The following INPP4B variants were observed in gnomAD, a reference collection of about 807,000 sequenced individuals.
INPP4B encodes the protein inositol polyphosphate-4-phosphatase type II B.
Under a neutral mutation model 122.5 loss-of-function variants are expected in INPP4B, and 55 were observed. The observed-to-expected ratio is 0.45, with a 90% CI of 0.36 to 0.56. The LOEUF (loss-of-function observed/expected upper bound fraction) is 0.56. INPP4B is among the 20% of genes least tolerant of loss of function. The probability of loss-of-function intolerance (pLI) is 0.00; values close to 1 mark genes in which losing one functional copy is unlikely to be tolerated. For synonymous variants in INPP4B, 403 were observed against 388.7 expected (o/e 1.04, Z -0.43); for missense variants, 1,000 against 1,097.7 (o/e 0.91, Z 1.26).
In INPP4B at chr4:142,429,207, C is replaced by T. The variant is rs1268002114; in HGVS notation, c.102G>A (p.Lys34=). 6.4e-7 allele frequency: 1 copy of T among 1,557,498 alleles called. No homozygotes were observed. The highest frequency in any genetic ancestry group is 1.1e-5 in the South Asian group (1 of 87,540). ...PGDCQFTSIQ[K]TPNEPQLEFI... Reference sequence around the variant, plus strand: ...ATTCCAACTGCGGTTCATTTGGAGTCTTCTGGATACCTATAAATAATAGGA... The same window carrying T: ...ATTCCAACTGCGGTTCATTTGGAGTTTTCTGGATACCTATAAATAATAGGA... The change falls in exon 5 of 26, where the codon AAG becomes AAA. Residue 34 remains lysine, a synonymous_variant. Coordinates refer to ENST00000262992, the MANE Select transcript of INPP4B (RefSeq NM_001101669.3).
intron 2 of INPP4B, among the ~76,000 whole-genome samples, chr4:142,681,975 T>A (rs533725334): frequency 1.3e-5 from 2 of 151,920 alleles, no homozygotes; most frequent in Admixed American, 1.3e-4. Flanking sequence ...TGCAATTCTT[T>A]TCCTCTTCAA....
chr4:142,648,434 A>G (rs1752260949), intron 2 of INPP4B, among the ~76,000 whole-genome samples: 1 of 152,192 alleles, frequency 6.6e-6, no homozygotes, highest in South Asian at 2.1e-4. Flanking sequence ...GCTGTGACAG[A>G]CTGTACCTGG....
At chr4:142,281,463 G>A (rs1379843875) in intron 9 of INPP4B, among the ~76,000 whole-genome samples, 1 of 151,792 alleles carries the variant, frequency 6.6e-6, no homozygotes, top group African/African-American at 2.4e-5. Context: ...TGGAGAACTG[G>A]AGTATTAAAT....
chr4:142,171,033 T>C (rs1825379542), intron 16 of INPP4B, among the ~76,000 whole-genome samples: 1 of 151,872 alleles, frequency 6.6e-6, no homozygotes, highest in East Asian at 1.9e-4. Flanking sequence ...TCTCAGCAAG[T>C]TGAATTTTTC....
At chr4:142,205,594 A>G (rs184436974) in intron 14 of INPP4B, among the ~76,000 whole-genome samples, 52 of 152,238 alleles carry the variant, frequency 3.4e-4, no homozygotes, top group Middle Eastern at 6.8e-3. Context: ...AGCTACCATT[A>G]TTTTATCATT....
chr4:142,041,161 C>G (rs1420556518), intron 25 of INPP4B, among the ~76,000 whole-genome samples: 1 of 151,894 alleles, frequency 6.6e-6, no homozygotes, highest in Admixed American at 6.6e-5. Flanking sequence ...ATATGAGTAA[C>G]ACGAAAAAAA....
intron 2 of INPP4B, among the ~76,000 whole-genome samples, chr4:142,609,583 T>C (rs1742036699): frequency 6.6e-6 from 1 of 152,178 alleles, no homozygotes; most frequent in Non-Finnish European, 1.5e-5. Flanking sequence ...ATACTTCTAA[T>C]ATTGTCTCCA....
chr4:142,827,619 T>C (rs186130609), intron 1 of INPP4B, among the ~76,000 whole-genome samples: 2 of 152,268 alleles, frequency 1.3e-5, no homozygotes, highest in East Asian at 3.9e-4. Flanking sequence ...GAGACAAACT[T>C]AGAGTCAGAA....
At chr4:142,809,764 C>T (rs1042046770) in intron 1 of INPP4B, among the ~76,000 whole-genome samples, 8 of 152,040 alleles carry the variant, frequency 5.3e-5, no homozygotes, top group Non-Finnish European at 1.2e-4. Flanking sequence ...GACTGATTTC[C>T]CTGAGTCAGC....
intron 23 of INPP4B, among the ~76,000 whole-genome samples, chr4:142,093,362 C>G (rs187944116): frequency 7.2e-4 from 110 of 152,272 alleles, no homozygotes; most frequent in African/African-American, 2.5e-3. Flanking sequence ...ACCTAACCCA[C>G]AGAATCTGTG....
intron 23 of INPP4B, among the ~76,000 whole-genome samples, chr4:142,104,464 A>C (rs1785999394): frequency 6.6e-6 from 1 of 152,158 alleles, no homozygotes; most frequent in Non-Finnish European, 1.5e-5. Flanking sequence ...GCCACACTGG[A>C]ATTCCCAGGC....
intron 2 of INPP4B, among the ~76,000 whole-genome samples, chr4:142,647,977 C>T (rs1045031645): frequency 6.6e-6 from 1 of 152,218 alleles, no homozygotes; most frequent in African/African-American, 2.4e-5. Flanking sequence ...TTCTCTTTCT[C>T]TTTTCCTCCA....
rs142074257 is a variant in INPP4B, at chr4:142,468,252, C to T, written c.-190-5526G>A. Among the ~76,000 whole-genome samples the T allele has an allele frequency of 4.8e-3, 736 of 152,242 alleles. 6 individuals are homozygous for T. The highest frequency in any genetic ancestry group is 0.011 in the Admixed American group (173 of 15,296). Reference sequence around the variant, plus strand: ...AGAGCTGACTATTTGTCTTTTCCATCTTACCCCATGGAAGAAACCTGGGCC... The same window carrying T: ...AGAGCTGACTATTTGTCTTTTCCATTTTACCCCATGGAAGAAACCTGGGCC... On this transcript the variant is annotated intron_variant, in intron 2 of 25. Transcript: ENST00000262992.
chr4:142,817,937 C>T (rs28504492), intron 1 of INPP4B, among the ~76,000 whole-genome samples: 13,812 of 152,088 alleles, frequency 0.091, 1,047 homozygotes, highest in African/African-American at 0.21. Context: ...TATTTTGCTT[C>T]CCTTTCACTA....
At chr4:142,414,170 T>C (rs1187541890) in intron 5 of INPP4B, among the ~76,000 whole-genome samples, 2 of 152,194 alleles carry the variant, frequency 1.3e-5, no homozygotes, top group African/African-American at 2.4e-5. Context: ...CTTCAGATTG[T>C]TGGGAAATAA....
At chr4:142,297,626 C>T (rs35623902) in intron 9 of INPP4B, among the ~76,000 whole-genome samples, 34,696 of 152,138 alleles carry the variant, frequency 0.23, 5,140 homozygotes, top group African/African-American at 0.42. Context: ...TCACTAGAGA[C>T]TGAGCAAACG....
rs148371542 is a variant in INPP4B, at chr4:142,192,354, A to AAAAAAAAAAAAAAAAAAAAAAAAAG, written c.1181+732_1181+733insCTTTTTTTTTTTTTTTTTTTTTTTT. On this transcript the variant is annotated intron_variant, in intron 15 of 25. Transcript: ENST00000262992. Reference sequence around the variant, plus strand: ...AAAGTAAAAAAAAAAAAAAAAAAAAATGGGATTCTTAAGAAGAATAACTAT... The same window carrying AAAAAAAAAAAAAAAAAAAAAAAAAG: ...AAAGTAAAAAAAAAAAAAAAAAAAAAAAAAAAAAAAAAAAAAAAAAAAAAGTGGGATTCTTAAGAAGAATAACTAT... 1.1e-4 allele frequency among the ~76,000 whole-genome samples: 8 copies of AAAAAAAAAAAAAAAAAAAAAAAAAG among 73,140 alleles called. 1 individual carries two copies. Among genetic ancestry groups the AAAAAAAAAAAAAAAAAAAAAAAAAG allele is most frequent in the South Asian group, 5.4e-4 (1 of 1,852 alleles). The allele number at this position is 73,140 out of a possible 152,430, so 48.0% of individuals were successfully genotyped here.
intron 17 of INPP4B, among the ~76,000 whole-genome samples, chr4:142,150,012 G>C (rs1812951159): frequency 6.6e-6 from 1 of 152,182 alleles, no homozygotes; most frequent in Admixed American, 6.5e-5. Context: ...GGGAAGCATT[G>C]AATATCTGAG....
chr4:142,446,971 A>G (rs1447023662), intron 3 of INPP4B, among the ~76,000 whole-genome samples: 2 of 152,300 alleles, frequency 1.3e-5, no homozygotes, highest in East Asian at 3.9e-4. Context: ...GTATTCTTCA[A>G]CTCTATCAGG....
Sources: gnomAD v4.1 joint callset for allele counts (sites outside exome capture counted in the v4.1 genomes callset) on GRCh38, gnomAD v4.1.1 for gene constraint, MANE v1.5 for transcripts, NCBI Gene and HGNC (gene_info 2026-07-23, HGNC 2026-07-21) for gene names.